The following CCP110 variants were observed in gnomAD, a reference collection of about 807,000 sequenced individuals.
CCP110 encodes centriolar coiled-coil protein of 110 kDa.
Under a neutral mutation model 105.5 loss-of-function variants are expected in CCP110, and 43 were observed. The ratio of observed to expected loss-of-function variants is 0.41; its 90% CI spans 0.32 to 0.53. The LOEUF is 0.53. Ranked by LOEUF, CCP110 falls within the 20% of genes least tolerant of loss-of-function variation. The probability of loss-of-function intolerance (pLI) is 0.32; values close to 1 mark genes in which losing one functional copy is unlikely to be tolerated. For missense variants in CCP110, 1,016 were observed against 1,189.1 expected, an observed-to-expected ratio of 0.85 and a Z score of 2.14; for synonymous variants, 353 against 392.1, an observed-to-expected ratio of 0.90 and a Z score of 1.18.
intron 2 of CCP110, 108 bp downstream of exon 2, chr16:19,528,130 C>G: frequency 3.4e-6 from 3 of 880,348 alleles, no homozygotes; most frequent in African/African-American, 1.7e-5. Flanking sequence ...TGCCCTCATT[C>G]AGAATTAGAG....
Position 19,548,470 on chromosome 16 carries a change from A to C in CCP110, c.2901-45A>C, listed in dbSNP as rs777532972. 1.2e-5 allele frequency: 14 copies of C among 1,211,092 alleles called. No individual in the cohort carries two copies. In the South Asian group the frequency reaches 1.8e-4, roughly 16 times the overall value. 75.0% of individuals were successfully genotyped at this position (1,211,092 alleles called of 1,614,324 possible). A position where few individuals can be genotyped will look rare whatever the true frequency, so the allele number is the denominator to read the frequency against. On this transcript the variant is annotated intron_variant, in intron 13 of 14. Coordinates refer to ENST00000381396, the Ensembl canonical transcript of CCP110. This position sits in a 1 kb window ranked among gnomAD's most constrained non-coding sequence, Gnocchi z 4.1. The stretch of plus-strand genomic sequence containing the variant: ...TGCTTTCTTTGAATTTTGAACATTT[A>C]GACCTTAATGCCAGTGACTTATTAA...
chr16:19,542,141 A>T, intron 6 of CCP110, 77 bp downstream of exon 6: 1 of 973,590 alleles, frequency 1.0e-6, no homozygotes, highest in Non-Finnish European at 1.5e-6. Context: ...CTATAAGATT[A>T]TATCTCCTGT....
intron 2 of CCP110, among the ~76,000 whole-genome samples, chr16:19,529,288 A>T (rs1047019539): frequency 6.6e-6 from 1 of 152,230 alleles, no homozygotes; most frequent in Non-Finnish European, 1.5e-5. Context: ...AAAAATGCAT[A>T]TGACTTTATT....
intron 3 of CCP110, among the ~76,000 whole-genome samples, chr16:19,535,518 T>C (rs531182484): frequency 3.3e-5 from 5 of 152,340 alleles, no homozygotes; most frequent in Non-Finnish European, 7.4e-5. Context: ...GTTTATTGCA[T>C]ATATTATTAT....
chr16:19,542,455 C>T (rs192799777), intron 6 of CCP110, among the ~76,000 whole-genome samples, 166 bp from the exon 7 acceptor site: 1 of 152,144 alleles, frequency 6.6e-6, no homozygotes, highest in Admixed American at 6.5e-5. Flanking sequence ...TTGAAAAGAT[C>T]CACCTGGTAT....
exon 4 of CCP110, chr16:19,536,418 G>A: frequency 6.2e-7 from 1 of 1,613,268 alleles, no homozygotes; most frequent in African/African-American, 1.3e-5. Flanking sequence ...AGTCTGAGAG[G>A]TAGTATCAAC....
chr16:19,551,251 A>G, exon 15 of CCP110: 2 of 1,609,966 alleles, frequency 1.2e-6, no homozygotes, highest in Non-Finnish European at 1.7e-6. Context: ...CAATTTAAGA[A>G]GACAACATTC....
At chr16:19,525,395 C>T (rs1430188830) in intron 1 of CCP110, 1 of 152,198 alleles carries the variant, frequency 6.6e-6, no homozygotes, top group Admixed American at 6.5e-5. Context: ...AGATATAGAG[C>T]AGTAGATTTG....
chr16:19,543,615 G>A (rs552173596), intron 8 of CCP110, among the ~76,000 whole-genome samples: 24 of 152,260 alleles, frequency 1.6e-4, no homozygotes, highest in East Asian at 5.8e-4. Context: ...GCCTATAAAC[G>A]GACGTGCAAG....
chr16:19,529,024 AC>A (rs1262371656), intron 2 of CCP110, among the ~76,000 whole-genome samples: 1 of 152,220 alleles, frequency 6.6e-6, no homozygotes, highest in Non-Finnish European at 1.5e-5. Context: ...TGCTGTGTAA[AC>A]TTGTGGTCCA....
chr16:19,552,815 A>G (rs146659399), exon 15 of CCP110: 1 of 152,324 alleles, frequency 6.6e-6, no homozygotes, highest in East Asian at 1.9e-4. Flanking sequence ...ACATCCAGCT[A>G]TAGACAGAAA....
chr16:19,544,675 T>C, intron 8 of CCP110, 122 bp from the exon 9 acceptor site: 1 of 630,280 alleles, frequency 1.6e-6, no homozygotes, highest in Non-Finnish European at 2.9e-6. Context: ...ATGGAACCAG[T>C]CCCCCACAGA....
rs779918647 is a variant in CCP110, at chr16:19,538,178, G to A, written c.1918+591G>A. The stretch of plus-strand genomic sequence containing the variant: ...GTTCAGGCAATTCTCATGCCTCAGC[G>A]TCCTGAGTAGCTGGGATTACAGGCG... On this transcript the variant is annotated intron_variant, in intron 4 of 14. Transcript: ENST00000381396. 3.6e-4 allele frequency among the ~76,000 whole-genome samples: 55 copies of A among 151,534 alleles called. 1 individual carries two copies. Among genetic ancestry groups the A allele is most frequent in the Middle Eastern group, 6.9e-3 (2 of 290 alleles).
At chr16:19,526,728 TGGTGTA>T (rs2151458658) in intron 1 of CCP110, 1 of 152,324 alleles carries the variant, frequency 6.6e-6, no homozygotes, top group Non-Finnish European at 1.5e-5. Flanking sequence ...CCTGATACTT[TGGTGTA>T]CTGAATTTTT....
At chr16:19,543,989 C>T (rs1451649812) in intron 8 of CCP110, among the ~76,000 whole-genome samples, 2 of 152,060 alleles carry the variant, frequency 1.3e-5, no homozygotes. Context: ...CTCCTTTTTG[C>T]CCTTTGAAGC....
chr16:19,535,616 TA>T (rs1469670340), intron 3 of CCP110, among the ~76,000 whole-genome samples: 5 of 152,238 alleles, frequency 3.3e-5, no homozygotes, highest in African/African-American at 1.2e-4. Context: ...ATTCTAAGAT[TA>T]AATTGCACAT....
At chr16:19,549,161 C>A (rs1014825911) in intron 14 of CCP110, among the ~76,000 whole-genome samples, 6 of 152,176 alleles carry the variant, frequency 3.9e-5, no homozygotes, top group Non-Finnish European at 8.8e-5. Flanking sequence ...AGAAGACAAA[C>A]TCATTCTTGA....
intron 2 of CCP110, among the ~76,000 whole-genome samples, chr16:19,531,785 G>A (rs1969876908): frequency 6.6e-6 from 1 of 152,070 alleles, no homozygotes; most frequent in Non-Finnish European, 1.5e-5. Flanking sequence ...GACCAACATG[G>A]TGAAACCCCA....
At chr16:19,544,680 C>T (rs1970401040) in intron 8 of CCP110, 117 bp from the exon 9 acceptor site, 1 of 647,402 alleles carries the variant, frequency 1.5e-6, no homozygotes, top group African/African-American at 1.8e-5. Flanking sequence ...ACCAGTCCCC[C>T]ACAGATACTG....
Sources: gnomAD v4.1 joint callset for allele counts (sites outside exome capture counted in the v4.1 genomes callset) on GRCh38, gnomAD v4.1.1 for gene constraint, Gnocchi (gnomAD v3.1) non-coding constraint, MANE v1.5 for transcripts, NCBI Gene and HGNC (gene_info 2026-07-23, HGNC 2026-07-21) for gene names.